Variants in GUCY1A2 observed in about 807,000 individuals in gnomAD.
GUCY1A2 encodes the protein guanylate cyclase 1 soluble subunit alpha 2, also known as guanylate cyclase soluble subunit alpha-2.
A neutral mutation model predicts 63.5 loss-of-function variants in GUCY1A2; 27 were observed. That is an observed-to-expected ratio of 0.43 (90% confidence interval 0.31 to 0.59). GUCY1A2 has a LOEUF of 0.59. Among genes scored for constraint, GUCY1A2 ranks in the 20% least tolerant of loss-of-function variants. The probability of loss-of-function intolerance (pLI) is 0.11; values close to 1 mark genes in which losing one functional copy is unlikely to be tolerated. For synonymous variants in GUCY1A2, 364 were observed against 343.5 expected (o/e 1.06, Z -0.66); for missense variants, 768 against 913.3 (o/e 0.84, Z 2.05).
chr11:106,707,644 TA>T (rs372307464), intron 7 of GUCY1A2, among the ~76,000 whole-genome samples: 1 of 152,214 alleles, frequency 6.6e-6, no homozygotes, highest in Non-Finnish European at 1.5e-5. Context: ...TATTATGGGC[TA>T]GACATTTTTA....
chr11:106,861,788 A>G (rs1299356156), intron 4 of GUCY1A2, among the ~76,000 whole-genome samples: 1 of 152,074 alleles, frequency 6.6e-6, no homozygotes, highest in Non-Finnish European at 1.5e-5. Flanking sequence ...CTCATTTAAA[A>G]AAACACTTTT....
intron 3 of GUCY1A2, among the ~76,000 whole-genome samples, chr11:106,949,062 ATTTT>A (rs942204190): frequency 2.6e-5 from 4 of 152,124 alleles, no homozygotes; most frequent in Non-Finnish European, 4.4e-5. Context: ...TTAGAATATG[ATTTT>A]TTTATTTTAA....
chr11:107,012,538 T>A (rs75288711), intron 1 of GUCY1A2, among the ~76,000 whole-genome samples: 1 of 152,102 alleles, frequency 6.6e-6, no homozygotes, highest in African/African-American at 2.4e-5. Context: ...TCAGAGAAGA[T>A]AAGAGTTAGC....
intron 4 of GUCY1A2, among the ~76,000 whole-genome samples, chr11:106,913,965 T>TAACATTTAGTACTTTTTCTATGTTG (rs1860331010): frequency 7.0e-6 from 1 of 142,862 alleles, no homozygotes; most frequent in African/African-American, 2.6e-5. Flanking sequence ...GGTCATTGAT[T>TAACATTTAGTACTTTTTCTATGTTG]TCAATCAGGT....
intron 3 of GUCY1A2, among the ~76,000 whole-genome samples, chr11:106,944,777 A>G (rs189139975): frequency 6.8e-4 from 103 of 152,332 alleles, no homozygotes; most frequent in African/African-American, 2.1e-3. Context: ...TTCACCTAGT[A>G]ACCACATCTA....
intron 4 of GUCY1A2, among the ~76,000 whole-genome samples, chr11:106,895,556 C>T (rs1034861219): frequency 2.6e-5 from 4 of 152,112 alleles, no homozygotes; most frequent in African/African-American, 7.2e-5. Flanking sequence ...GCAGTTCCTC[C>T]GCACATGCTC....
intron 5 of GUCY1A2, among the ~76,000 whole-genome samples, chr11:106,805,247 CAT>C (rs1491138439): frequency 3.3e-5 from 2 of 60,770 alleles, no homozygotes; most frequent in African/African-American, 1.3e-4. Flanking sequence ...TTATCACTAA[CAT>C]TTTTTTTTTT....
At position 106,826,994 on chromosome 11, in the gene GUCY1A2, C is replaced by T; in HGVS notation, c.1207-16516G>A. ...CCATATATCTTTTCATTGGTCAATT[C>T]CACATAGACAGGCCACATCTCTGTA... On this transcript the variant is annotated intron_variant, in intron 4 of 7. Coordinates refer to ENST00000526355, the MANE Select transcript of GUCY1A2 (RefSeq NM_000855.3). 3.7e-6 allele frequency: 6 copies of T among 1,610,432 alleles called. No individual in the cohort carries two copies. The South Asian group carries it at 6.6e-5, about 18-fold the overall frequency.
chr11:106,721,275 T>C (rs1457121319), intron 6 of GUCY1A2, among the ~76,000 whole-genome samples: 1 of 152,094 alleles, frequency 6.6e-6, no homozygotes, highest in Non-Finnish European at 1.5e-5. Flanking sequence ...CCCAGGCTAC[T>C]CTCAAACTCG....
intron 3 of GUCY1A2, among the ~76,000 whole-genome samples, chr11:106,964,134 T>C (rs557527821): frequency 6.6e-6 from 1 of 152,252 alleles, no homozygotes; most frequent in African/African-American, 2.4e-5. Context: ...CTTCCTTGTA[T>C]AAAAATGTAC....
At chr11:106,929,701 T>C (rs1591331607) in intron 4 of GUCY1A2, among the ~76,000 whole-genome samples, 3 of 152,264 alleles carry the variant, frequency 2.0e-5, no homozygotes, top group South Asian at 2.1e-4. Context: ...TCAAGTATTA[T>C]ATAGACCTTT....
intron 4 of GUCY1A2, among the ~76,000 whole-genome samples, chr11:106,867,960 C>G (rs1057472584): frequency 2.6e-5 from 4 of 152,030 alleles, no homozygotes; most frequent in East Asian, 3.9e-4. Context: ...ATTGCCTCTC[C>G]CACCTTAAAT....
rs149955403 is a variant in GUCY1A2 at position 107,018,008 on chromosome 11, G to C, written c.48C>G (p.Ser16=). 3.4e-6 allele frequency: 5 copies of C among 1,472,500 alleles called. No homozygotes were observed. In the South Asian group the frequency reaches 5.2e-5, roughly 15 times the overall value. The allele number at this position is 1,472,500 out of a possible 1,614,324, so 91.2% of individuals were successfully genotyped here. A position where few individuals can be genotyped will look rare whatever the true frequency, so the allele number is the denominator to read the frequency against. The part of the protein sequence containing the change: ...ISSESFSSLG[S]DYLETSPEEE... ...CCTCCGGGCTGGTCTCCAGGTAGTC[G>C]GAGCCCAGGGAGCTGAAGGACTCGG... The change falls in exon 1 of 8, where the codon TCC becomes TCG. Residue 16 remains serine (S), a synonymous_variant. Transcript: ENST00000526355.
At chr11:106,912,434 T>C (rs915849068) in intron 4 of GUCY1A2, among the ~76,000 whole-genome samples, 5 of 152,130 alleles carry the variant, frequency 3.3e-5, no homozygotes, top group Non-Finnish European at 7.4e-5. Flanking sequence ...CTGTCCTATA[T>C]AAGCATTCTC....
chr11:106,693,623 T>C (rs1862665772), intron 7 of GUCY1A2, among the ~76,000 whole-genome samples: 1 of 152,162 alleles, frequency 6.6e-6, no homozygotes, highest in Non-Finnish European at 1.5e-5. Context: ...TAGTCAGACA[T>C]TGACCTGGTA....
At chr11:106,887,823 A>C (rs1267775944) in intron 4 of GUCY1A2, among the ~76,000 whole-genome samples, 1 of 152,240 alleles carries the variant, frequency 6.6e-6, no homozygotes, top group African/African-American at 2.4e-5. Context: ...AGAGATATTC[A>C]GTGGTATACA....
At chr11:106,947,757 T>C (rs1017393584) in intron 3 of GUCY1A2, among the ~76,000 whole-genome samples, 1 of 152,074 alleles carries the variant, frequency 6.6e-6, no homozygotes, top group East Asian at 1.9e-4. Context: ...ATTATAACTT[T>C]TAGAAATCAA....
intron 3 of GUCY1A2, among the ~76,000 whole-genome samples, chr11:106,959,133 G>A (rs1374963989): frequency 1.3e-5 from 2 of 152,124 alleles, no homozygotes; most frequent in Non-Finnish European, 2.9e-5. Context: ...ACTGAGCTAT[G>A]TTTGTCATTA....
intron 4 of GUCY1A2, among the ~76,000 whole-genome samples, chr11:106,922,517 CTT>C (rs1167258986): frequency 2.0e-5 from 3 of 149,978 alleles, no homozygotes; most frequent in Non-Finnish European, 3.0e-5. Flanking sequence ...ATATGCCTCT[CTT>C]ATTAAATTGT....
Sources: allele counts gnomAD v4.1 joint callset (sites outside exome capture counted in the v4.1 genomes callset), GRCh38; gene constraint gnomAD v4.1.1; transcripts MANE v1.5; gene names NCBI Gene and HGNC (gene_info 2026-07-23, HGNC 2026-07-21).